BSND: variants seen among roughly 807,000 people sequenced by gnomAD.
BSND encodes the protein barttin.
In BSND, 13 loss-of-function variants were observed where a neutral mutation model predicts 18.8. That is an observed-to-expected ratio of 0.69 (90% confidence interval 0.45 to 1.10). The LOEUF (loss-of-function observed/expected upper bound fraction) is 1.10. Among genes scored for constraint, BSND ranks in the 50% least tolerant of loss-of-function variants. The probability of loss-of-function intolerance (pLI) is 0.00; values close to 1 mark genes in which losing one functional copy is unlikely to be tolerated. For missense variants in BSND, 379 were observed against 416.7 expected, an observed-to-expected ratio of 0.91 and a Z score of 0.79; for synonymous variants, 170 against 161.8, an observed-to-expected ratio of 1.05 and a Z score of -0.39.
Position 55,014,480 on chromosome 1 carries a change from C to G in BSND, c.*5852C>G, listed in dbSNP as rs938654790. Among the ~76,000 whole-genome samples the G allele has an allele frequency of 6.6e-6, 1 of 152,222 alleles. No homozygotes were observed. Among genetic ancestry groups the G allele is most frequent in the African/African-American group, 2.4e-5 (1 of 41,454 alleles). On this transcript the variant is annotated 3_prime_UTR_variant, in exon 4 of 4. Transcript: ENST00000651561. ...TAGCATGTGCCTAGCACCTGGTGAG[C>G]CCCCAGTAAAGTCAGTTATCATTGT...
chr1:54,999,033 G>T lies in BSND; in HGVS notation c.-154G>T. On this transcript the variant is annotated 5_prime_UTR_variant, in exon 1 of 4. Coordinates refer to ENST00000651561, the MANE Select transcript of BSND (RefSeq NM_057176.3). ...TGAACTGGTGGGCCCAGGGACTGGA[G>T]CGGGATTGAAAGGGATCTTGCTCTC... is the stretch of plus-strand genomic sequence containing the variant. 1 of 879,892 alleles carries T rather than the reference G, an allele frequency of 1.1e-6. No individual in the cohort carries two copies. Among genetic ancestry groups the T allele is most frequent in the Non-Finnish European group, 1.7e-6 (1 of 573,444 alleles). The allele number at this position is 879,892 out of a possible 1,614,324, so 54.5% of individuals were successfully genotyped here. A position where few individuals can be genotyped will look rare whatever the true frequency, so the allele number is the denominator to read the frequency against.
chr1:55,008,243 C>G lies in BSND; in HGVS notation c.578C>G (p.Pro193Arg). ...CTGGCCTGTCCCCAGGGCCCTGCCC[C>G]CTTGGCTTCCTTCCAAGATGACCTG... ...GPLACPQGPA[P>R]LASFQDDLDM... Residue 193 changes from proline to arginine, a missense_variant, in exon 4 of 4, where the codon CCC becomes CGC. Transcript: ENST00000651561. 6.2e-7 allele frequency: 1 copy of G among 1,614,198 alleles called. No homozygotes were observed. Among genetic ancestry groups the G allele is most frequent in the South Asian group, 1.1e-5 (1 of 91,088 alleles).
rs1350152230 is a variant in BSND, at chr1:55,012,408, C to CT, written c.*3781dup. ...TCCCAGGCTCCAGAATCAGAAAGAC[C>CT]TGGTTTTACCTTCAGCCTCAGCCAG... is the stretch of plus-strand genomic sequence containing the variant. On this transcript the variant is annotated 3_prime_UTR_variant, in exon 4 of 4. Coordinates refer to ENST00000651561, the MANE Select transcript of BSND (RefSeq NM_057176.3). Among the ~76,000 whole-genome samples, 1 of 152,218 alleles carries CT rather than the reference C, an allele frequency of 6.6e-6. No homozygotes were observed. Among genetic ancestry groups the CT allele is most frequent in the Non-Finnish European group, 1.5e-5 (1 of 68,032 alleles).
At position 55,012,623 on chromosome 1, in the gene BSND, A is replaced by G. The variant is rs1010976402; in HGVS notation, c.*3995A>G. Among the ~76,000 whole-genome samples the G allele has an allele frequency of 1.3e-5, 2 of 152,164 alleles. No individual in the cohort carries two copies. Among genetic ancestry groups the G allele is most frequent in the Non-Finnish European group, 2.9e-5 (2 of 68,028 alleles). Reference sequence around the variant, plus strand: ...CCTCTCTGGGTCTCTTCCCTCATCTATGCATCAGGGAGCCACTGTCCTGCC... The same window carrying G: ...CCTCTCTGGGTCTCTTCCCTCATCTGTGCATCAGGGAGCCACTGTCCTGCC... On this transcript the variant is annotated 3_prime_UTR_variant, in exon 4 of 4. Coordinates refer to ENST00000651561, the MANE Select transcript of BSND (RefSeq NM_057176.3).
chr1:55,007,710 C>A (rs540377635), intron 3 of BSND, among the ~76,000 whole-genome samples: 4 of 152,182 alleles, frequency 2.6e-5, no homozygotes, highest in Admixed American at 6.5e-5. Flanking sequence ...TGACCTTGGG[C>A]AAGGCCCTCC....
intron 1 of BSND, among the ~76,000 whole-genome samples, chr1:55,003,187 G>T (rs1644372463): frequency 6.6e-6 from 1 of 151,234 alleles, no homozygotes; most frequent in African/African-American, 2.4e-5. Context: ...AACGGGGGTG[G>T]AAGAAGCCCA....
At chr1:55,008,176 C>T (rs1293247016) in intron 3 of BSND, 38 bp from the exon 4 acceptor site, 1 of 1,586,720 alleles carries the variant, frequency 6.3e-7, no homozygotes, top group Non-Finnish European at 8.6e-7. Context: ...CATTCTGACT[C>T]AGAGATACCC....
At position 55,015,164 on chromosome 1, in the gene BSND, C is replaced by T. The variant is rs1644443434; in HGVS notation, c.*6536C>T. ...ACAGATACAAAAGGGAAAGGTGGCA[C>T]GTATTGGTGGCAAGAAGGCTGGTTT... On this transcript the variant is annotated 3_prime_UTR_variant, in exon 4 of 4. Transcript: ENST00000651561. 6.6e-6 allele frequency among the ~76,000 whole-genome samples: 1 copy of T among 152,172 alleles called. No homozygotes were observed. Among genetic ancestry groups the T allele is most frequent in the Admixed American group, 6.5e-5 (1 of 15,276 alleles).
In BSND at chr1:55,014,903, G is replaced by C. The variant is rs572204927; in HGVS notation, c.*6275G>C. ...AAAACAGTAGAATGAAGGAGTGAGG[G>C]TATCTCAGGCAGAGGGCATGGCATA... is the stretch of plus-strand genomic sequence containing the variant. On this transcript the variant is annotated 3_prime_UTR_variant, in exon 4 of 4. Coordinates refer to ENST00000651561, the MANE Select transcript of BSND (RefSeq NM_057176.3). 2.0e-5 allele frequency among the ~76,000 whole-genome samples: 3 copies of C among 152,294 alleles called. No individual in the cohort carries two copies. The South Asian group carries it at 6.2e-4, about 32-fold the overall frequency.
chr1:55,013,671 G>T lies in BSND; in HGVS notation c.*5043G>T, dbSNP rs532339104. Among the ~76,000 whole-genome samples the T allele has an allele frequency of 2.6e-5, 4 of 152,258 alleles. No homozygotes were observed. Among genetic ancestry groups the T allele is most frequent in the African/African-American group, 9.6e-5 (4 of 41,540 alleles). On this transcript the variant is annotated 3_prime_UTR_variant, in exon 4 of 4. Coordinates refer to ENST00000651561, the MANE Select transcript of BSND (RefSeq NM_057176.3). ...AAGTCAGGCAGCAAGGTTCCACTGA[G>T]CATCTCCCTGTGCTAGTGTGGAGGG... is the stretch of plus-strand genomic sequence containing the variant.
intron 1 of BSND, among the ~76,000 whole-genome samples, chr1:55,003,241 G>A (rs1417840555): frequency 6.6e-6 from 1 of 151,908 alleles, no homozygotes; most frequent in Non-Finnish European, 1.5e-5. Context: ...GTTTTTAAGA[G>A]ACAGGAGCTC....
Position 54,999,049 on chromosome 1 carries a change from T to C in BSND, c.-138T>C. 1 of 1,052,708 alleles carries C rather than the reference T, an allele frequency of 9.5e-7. No homozygotes were observed. The highest frequency in any genetic ancestry group is 1.4e-6 in the Non-Finnish European group (1 of 717,028). 65.2% of individuals were successfully genotyped at this position (1,052,708 alleles called of 1,614,324 possible). ...GGGACTGGAGCGGGATTGAAAGGGATCTTGCTCTCCCTTGAAGCCTTGAGT... is the reference window on the plus strand; with the variant it reads ...GGGACTGGAGCGGGATTGAAAGGGACCTTGCTCTCCCTTGAAGCCTTGAGT... On this transcript the variant is annotated 5_prime_UTR_variant, in exon 1 of 4. Transcript: ENST00000651561.
intron 2 of BSND, among the ~76,000 whole-genome samples, chr1:55,005,542 C>A (rs989608168): frequency 6.6e-6 from 1 of 152,228 alleles, no homozygotes; most frequent in Non-Finnish European, 1.5e-5. Flanking sequence ...AAGCTACTGA[C>A]CTCTCTTTGC....
intron 3 of BSND, among the ~76,000 whole-genome samples, chr1:55,007,574 G>A (rs77339832): frequency 6.6e-6 from 1 of 152,160 alleles, no homozygotes; most frequent in African/African-American, 2.4e-5. Flanking sequence ...TGAGGGTTGG[G>A]ACAGTGCATT....
chr1:55,012,110 G>A lies in BSND; in HGVS notation c.*3482G>A, dbSNP rs769181715. On this transcript the variant is annotated 3_prime_UTR_variant, in exon 4 of 4. Transcript: ENST00000651561. The stretch of plus-strand genomic sequence containing the variant: ...TGGCCCCTGCCCTTAACTGGAAAGG[G>A]TGGGCAAGGGAAGGCAGGGGGCCCA... 2.0e-5 allele frequency among the ~76,000 whole-genome samples: 3 copies of A among 152,218 alleles called. No homozygotes were observed. Among genetic ancestry groups the A allele is most frequent in the African/African-American group, 4.8e-5 (2 of 41,458 alleles).
chr1:54,999,273 T>C lies in BSND; in HGVS notation c.87T>C (p.Asp29=), dbSNP rs752014769. 4 of 1,613,954 alleles carry C rather than the reference T, an allele frequency of 2.5e-6. No individual in the cohort carries two copies. The change falls in exon 1 of 4, where the codon GAT becomes GAC. Residue 29 remains aspartate (D), a synonymous_variant. Transcript: ENST00000651561. The part of the protein sequence containing the change: ...LALGTFLMSH[D]RPQVYGTFYA... ...TCGGTACGTTCCTCATGAGCCATGA[T>C]CGGCCCCAGGTCTACGGCACCTTCT...
At chr1:55,007,693 T>A (rs370263422) in intron 3 of BSND, among the ~76,000 whole-genome samples, 2 of 152,150 alleles carry the variant, frequency 1.3e-5, no homozygotes, top group African/African-American at 4.8e-5. Context: ...GCTGCTGACC[T>A]GCTCTGTGAC....
intron 1 of BSND, 21 bp from the exon 2 acceptor site, chr1:55,005,001 C>A: frequency 6.2e-7 from 1 of 1,611,822 alleles, no homozygotes; most frequent in Non-Finnish European, 8.5e-7. Flanking sequence ...TGCACAGAGG[C>A]TGTCTCTCCT....
Position 55,008,395 on chromosome 1 carries a change from A to G in BSND, c.730A>G (p.Ile244Val), listed in dbSNP as rs745963643. The G allele has an allele frequency of 4.3e-6, 7 of 1,614,224 alleles. No individual in the cohort carries two copies. The South Asian group carries it at 7.7e-5, about 18-fold the overall frequency. The part of the protein sequence containing the change: ...PLDRFQDFAL[I>V]DAPTLEDEPQ... Reference sequence around the variant, plus strand: ...GGACCGCTTCCAAGACTTTGCCCTGATTGATGCCCCAACGTTGGAGGATGA... The same window carrying G: ...GGACCGCTTCCAAGACTTTGCCCTGGTTGATGCCCCAACGTTGGAGGATGA... The change falls in exon 4 of 4, where the codon ATT (isoleucine) becomes GTT (valine). Residue 244 changes from isoleucine (I) to valine (V), a missense_variant. Ile to Val is a conservative substitution (Grantham distance 29). Transcript: ENST00000651561.
Sources: allele counts gnomAD v4.1 joint callset (sites outside exome capture counted in the v4.1 genomes callset), GRCh38; gene constraint gnomAD v4.1.1; transcripts MANE v1.5; gene names NCBI Gene and HGNC (gene_info 2026-07-23, HGNC 2026-07-21).